ZZEF1: variants seen among roughly 807,000 people sequenced by gnomAD.
The protein encoded by ZZEF1 is zinc finger ZZ-type and EF-hand domain containing 1, also known as zinc finger ZZ-type and EF-hand domain-containing protein 1.
ZZEF1 carries 157 observed loss-of-function variants against 342.8 expected under a neutral mutation model. The ratio of observed to expected loss-of-function variants is 0.46; its 90% CI spans 0.40 to 0.52. The LOEUF is 0.52. ZZEF1 is among the 20% of genes least tolerant of loss of function. The pLI is 0.00. For synonymous variants in ZZEF1, 1,505 were observed against 1,429.1 expected (o/e 1.05, Z -1.20); for missense variants, 3,480 against 3,725.6 (o/e 0.93, Z 1.72).
chr17:4,093,925 T>C lies in ZZEF1; in HGVS notation c.1913+1906A>G, dbSNP rs16953700. Among the ~76,000 whole-genome samples the C allele has an allele frequency of 8.5e-3, 1,289 of 152,318 alleles. 16 individuals carry two copies. The highest frequency in any genetic ancestry group is 0.03 in the African/African-American group (1,231 of 41,558). ...CTTTTAGACTTTACCTTCTGACTTC[T>C]GGGTAACATCTGACACCATCGCCCA... On this transcript the variant is annotated intron_variant, in intron 11 of 54. Transcript: ENST00000381638.
At chr17:4,089,420 C>T (rs919863964) in intron 12 of ZZEF1, among the ~76,000 whole-genome samples, 2 of 152,218 alleles carry the variant, frequency 1.3e-5, no homozygotes, top group South Asian at 4.1e-4. Flanking sequence ...TACTCAACTG[C>T]GTAAATATTT....
intron 5 of ZZEF1, among the ~76,000 whole-genome samples, chr17:4,110,098 G>A (rs1244021052): frequency 1.3e-5 from 2 of 152,128 alleles, no homozygotes; most frequent in Admixed American, 1.3e-4. Context: ...GGTGATTTAA[G>A]TCTTTACAAC....
intron 1 of ZZEF1, among the ~76,000 whole-genome samples, chr17:4,129,391 G>A (rs1202173923): frequency 6.6e-6 from 1 of 152,180 alleles, no homozygotes; most frequent in African/African-American, 2.4e-5. Flanking sequence ...TATACCCAGA[G>A]GAAGAAATAT....
chr17:4,041,362 C>T (rs2056799751), intron 39 of ZZEF1, among the ~76,000 whole-genome samples: 1 of 152,104 alleles, frequency 6.6e-6, no homozygotes, highest in Non-Finnish European at 1.5e-5. Flanking sequence ...AGCCTCAACT[C>T]CCACGTAGAA....
At chr17:4,027,286 CTTTTTTTTT>C (rs1179743466) in intron 42 of ZZEF1, among the ~76,000 whole-genome samples, 1,344 of 67,986 alleles carry the variant, frequency 0.02, 47 homozygotes, top group African/African-American at 0.084. Context: ...CAATATCTCA[CTTTTTTTTT>C]TTTTTTTTTT....
At chr17:4,077,822 G>T in intron 19 of ZZEF1, 61 bp downstream of exon 19, 1 of 1,564,892 alleles carries the variant, frequency 6.4e-7, no homozygotes, top group Non-Finnish European at 8.7e-7. Context: ...CTAAAGAAGA[G>T]AACACTCAGA....
At chr17:4,123,290 T>TAA (rs2058517931) in intron 2 of ZZEF1, among the ~76,000 whole-genome samples, 1 of 96,280 alleles carries the variant, frequency 1.0e-5, no homozygotes, top group Non-Finnish European at 2.2e-5. Flanking sequence ...TATATATATA[T>TAA]ATATATATAT....
rs370146572 is a variant in ZZEF1, at chr17:4,014,082, G to C, written c.8413+8C>G. The C allele has an allele frequency of 6.2e-7, 1 of 1,613,498 alleles. No homozygotes were observed. ...AGATGGTGTGAACGCAAAGCCCAGAGCACACACCTGTCTGGAACCGCCCCA... is the reference window on the plus strand; with the variant it reads ...AGATGGTGTGAACGCAAAGCCCAGACCACACACCTGTCTGGAACCGCCCCA... On this transcript the variant is annotated splice_region_variant and intron_variant, in intron 51 of 54. Transcript: ENST00000381638. The surrounding 1 kb of genome is among the most constrained non-coding windows in gnomAD (Gnocchi z 4.4).
At chr17:4,083,761 C>A (rs771958848) in intron 16 of ZZEF1, among the ~76,000 whole-genome samples, 2 of 152,050 alleles carry the variant, frequency 1.3e-5, no homozygotes, top group African/African-American at 2.4e-5. Context: ...CTTCGACCTC[C>A]CGAGTAGCTG....
intron 37 of ZZEF1, among the ~76,000 whole-genome samples, chr17:4,047,926 G>A (rs955925314): frequency 1.9e-4 from 29 of 151,976 alleles, no homozygotes; most frequent in Admixed American, 8.5e-4. Context: ...GGGCAACAGA[G>A]TGAGACCCTG....
chr17:4,104,739 G>A lies in ZZEF1; in HGVS notation c.1467C>T (p.Val489=). 2 of 1,614,162 alleles carry A rather than the reference G, an allele frequency of 1.2e-6. No homozygotes were observed. The highest frequency in any genetic ancestry group is 1.7e-5 in the Admixed American group (1 of 60,026). Residue 489 remains valine, a synonymous_variant, in exon 8 of 55, where the codon GTC becomes GTT. Coordinates refer to ENST00000381638, the MANE Select transcript of ZZEF1 (RefSeq NM_015113.4). ...CAGTGATGGTGCATAGAGAGCTCAT[G>A]ACTTTGGCAACACTTCCTCTTGCGA... ...FALARGSVAK[V]MSSLCTITDH... is the part of the protein sequence containing the mutation.
chr17:4,092,286 A>G (rs1209101335), intron 11 of ZZEF1, among the ~76,000 whole-genome samples: 1 of 141,496 alleles, frequency 7.1e-6, no homozygotes, highest in Non-Finnish European at 1.5e-5. Context: ...TGTAACAGAG[A>G]GAAAACATGT....
chr17:4,080,416 T>C (rs2057701620), intron 18 of ZZEF1, among the ~76,000 whole-genome samples: 2 of 152,156 alleles, frequency 1.3e-5, no homozygotes, highest in Admixed American at 1.3e-4. Context: ...CTTGGCTCAC[T>C]ACAACCTCCG....
In ZZEF1 at chr17:4,016,337, T is replaced by G; in HGVS notation, c.8131A>C (p.Asn2711His). 1 of 1,613,984 alleles carries G rather than the reference T, an allele frequency of 6.2e-7. No homozygotes were observed. The highest frequency in any genetic ancestry group is 8.5e-7 in the Non-Finnish European group (1 of 1,179,956). Residue 2711 changes from asparagine to histidine, a missense_variant, in exon 49 of 55, where the codon AAC becomes CAC. Coordinates refer to ENST00000381638, the MANE Select transcript of ZZEF1 (RefSeq NM_015113.4). The surrounding 1 kb of genome is among the most constrained non-coding windows in gnomAD (Gnocchi z 4.4). ...VRESKHPYNN[N>H]TNFEDKVHIP... ...CCCAGGCTTACCTCGAAGTTGGTGT[T>G]GTTGTTATACGGGTGTTTCGACTCC...
At chr17:4,072,451 T>C (rs2057527863) in intron 25 of ZZEF1, among the ~76,000 whole-genome samples, 157 bp downstream of exon 25, 1 of 152,232 alleles carries the variant, frequency 6.6e-6, no homozygotes, top group South Asian at 2.1e-4. Flanking sequence ...TGGGACACGG[T>C]GGCGTTAACA....
rs1456086109 is a variant in ZZEF1 at position 4,075,196 on chromosome 17, C to T, written c.3402-18G>A. On this transcript the variant is annotated intron_variant, in intron 22 of 54. Coordinates refer to ENST00000381638, the MANE Select transcript of ZZEF1 (RefSeq NM_015113.4). ...AATCATACCTGTGAAGGCATAACCT[C>T]TATTAGCTTCCTTCTCTCATTGCTG... 1 of 1,614,032 alleles carries T rather than the reference C, an allele frequency of 6.2e-7. No individual in the cohort carries two copies. The highest frequency in any genetic ancestry group is 1.3e-5 in the African/African-American group (1 of 75,066).
intron 11 of ZZEF1, among the ~76,000 whole-genome samples, chr17:4,093,981 A>G (rs2057990984): frequency 6.6e-6 from 1 of 152,074 alleles, no homozygotes; most frequent in Non-Finnish European, 1.5e-5. Flanking sequence ...CCTTGGCTTC[A>G]TGGGACACAG....
chr17:4,117,184 A>G lies in ZZEF1; in HGVS notation c.500-18T>C. 6.3e-7 allele frequency: 1 copy of G among 1,591,868 alleles called. No individual in the cohort carries two copies. The highest frequency in any genetic ancestry group is 1.3e-5 in the African/African-American group (1 of 74,586). On this transcript the variant is annotated intron_variant, in intron 2 of 54. Coordinates refer to ENST00000381638, the MANE Select transcript of ZZEF1 (RefSeq NM_015113.4). ...TGTGAAACCTAAACAGATGAAATCC[A>G]TTTTTGGTGTTTTGGGGAAGCCACA... is the stretch of plus-strand genomic sequence containing the variant.
At chr17:4,032,066 G>C (rs1487907913) in intron 42 of ZZEF1, 60 bp downstream of exon 42, 1 of 1,535,268 alleles carries the variant, frequency 6.5e-7, no homozygotes, top group Non-Finnish European at 8.8e-7. Flanking sequence ...TTGATTTTAG[G>C]GTACGGAGGG....
Sources: allele counts gnomAD v4.1 joint callset (sites outside exome capture counted in the v4.1 genomes callset), GRCh38; gene constraint gnomAD v4.1.1; non-coding constraint Gnocchi (gnomAD v3.1); transcripts MANE v1.5; gene names NCBI Gene and HGNC (gene_info 2026-07-23, HGNC 2026-07-21).